Variants in PHF24 observed in about 807,000 individuals in gnomAD.
PHF24 encodes Galpha inhibitory interacting protein.
A neutral mutation model predicts 42.6 loss-of-function variants in PHF24; 25 were observed. That is an observed-to-expected ratio of 0.59 (90% CI 0.43 to 0.82). The LOEUF (loss-of-function observed/expected upper bound fraction) is 0.82, where lower values mean the gene tolerates loss of function less well. PHF24 is among the 40% of genes least tolerant of loss of function. The pLI, the probability that PHF24 is intolerant of heterozygous loss-of-function variation, is 0.00. For missense variants in PHF24, 470 were observed against 538.1 expected (o/e 0.87, Z 1.25); for synonymous variants, 185 against 204.8 (o/e 0.90, Z 0.83).
At chr9:34,694,654 A>G in the PHF24 span, among the ~76,000 whole-genome samples, 1 of 152,180 alleles carries the variant, frequency 6.6e-6, no homozygotes, top group African/African-American at 2.4e-5. Flanking sequence ...CTTTTAATAC[A>G]GATGAGATTT....
the PHF24 span, chr9:34,894,337 C>G: frequency 2.5e-6 from 1 of 397,224 alleles, no homozygotes. Context: ...GTGTATGTCT[C>G]CCTCCCATCC....
the PHF24 span, among the ~76,000 whole-genome samples, chr9:34,828,289 G>T: frequency 6.6e-6 from 1 of 152,070 alleles, no homozygotes; most frequent in South Asian, 2.1e-4. Context: ...TTTAGCCAAA[G>T]CCAGCCCCTT....
the PHF24 span, chr9:34,835,422 G>A: frequency 1.3e-6 from 2 of 1,550,848 alleles, no homozygotes; most frequent in Admixed American, 2.0e-5. Context: ...ACCTCAAGAA[G>A]CCTCAGCACT....
the PHF24 span, chr9:34,895,137 T>C: frequency 2.5e-6 from 1 of 398,550 alleles, no homozygotes; most frequent in East Asian, 3.6e-5. Flanking sequence ...TTTTCCCATA[T>C]CTAAAATGAA....
At chr9:34,702,533 C>T in the PHF24 span, among the ~76,000 whole-genome samples, 29 of 152,326 alleles carry the variant, frequency 1.9e-4, no homozygotes, top group African/African-American at 7.0e-4. Flanking sequence ...TTGCTGCCTA[C>T]TGAGAAATGG....
chr9:34,905,621 T>C, the PHF24 span, among the ~76,000 whole-genome samples: 56 of 152,300 alleles, frequency 3.7e-4, 1 homozygote, highest in East Asian at 0.01. Context: ...GAAAGCTTCA[T>C]GTAGAAGATG....
At chr9:34,826,563 A>C in the PHF24 span, among the ~76,000 whole-genome samples, 4 of 152,210 alleles carry the variant, frequency 2.6e-5, no homozygotes, top group African/African-American at 9.6e-5. Flanking sequence ...CAGGTATAGA[A>C]GTGAAGCAGT....
the PHF24 span, among the ~76,000 whole-genome samples, chr9:34,895,995 A>G: frequency 1.3e-5 from 2 of 152,194 alleles, no homozygotes; most frequent in Non-Finnish European, 2.9e-5. Flanking sequence ...TGCCAAGGTC[A>G]TGGGCAACAT....
chr9:34,704,477 T>TAG, the PHF24 span, among the ~76,000 whole-genome samples: 1 of 121,474 alleles, frequency 8.2e-6, no homozygotes, highest in Non-Finnish European at 1.7e-5. Flanking sequence ...ATGATTTCAT[T>TAG]AGTGTGTGTG....
chr9:34,878,232 A>G, the PHF24 span, among the ~76,000 whole-genome samples: 1 of 152,196 alleles, frequency 6.6e-6, no homozygotes, highest in African/African-American at 2.4e-5. Context: ...TCTAAAGAAT[A>G]AATTTTTTAA....
the PHF24 span, among the ~76,000 whole-genome samples, chr9:34,933,882 T>C: frequency 6.6e-6 from 1 of 151,688 alleles, no homozygotes; most frequent in Non-Finnish European, 1.5e-5. Flanking sequence ...CAAGCTGGGA[T>C]CACAGGTGGG....
At chr9:34,838,268 G>A in the PHF24 span, 1 of 665,784 alleles carries the variant, frequency 1.5e-6, no homozygotes, top group Non-Finnish European at 2.8e-6. Flanking sequence ...GGGAAGTGGG[G>A]TCAATAAGGA....
At chr9:34,666,819 G>T in the PHF24 span, among the ~76,000 whole-genome samples, 1 of 152,120 alleles carries the variant, frequency 6.6e-6, no homozygotes, top group African/African-American at 2.4e-5. Context: ...GGTGGCAGGC[G>T]CCTGTAATCC....
chr9:34,931,153 G>A, the PHF24 span, among the ~76,000 whole-genome samples: 1 of 152,074 alleles, frequency 6.6e-6, no homozygotes, highest in African/African-American at 2.4e-5. Context: ...TGAGGCGGTG[G>A]ATCACGAGGT....
chr9:34,704,157 G>A, the PHF24 span, among the ~76,000 whole-genome samples: 3 of 151,822 alleles, frequency 2.0e-5, no homozygotes, highest in African/African-American at 4.8e-5. Context: ...CCTCCAAGTC[G>A]CTAGGACAAT....
chr9:34,836,945 C>T, the PHF24 span: 1 of 352,792 alleles, frequency 2.8e-6, no homozygotes, highest in Non-Finnish European at 5.8e-6. Context: ...AGTGAACCAG[C>T]CTCCACTGTG....
chr9:34,872,028 T>C, the PHF24 span, among the ~76,000 whole-genome samples: 2 of 152,146 alleles, frequency 1.3e-5, no homozygotes, highest in African/African-American at 2.4e-5. Flanking sequence ...TATCTTTCCA[T>C]TTATTTAGTT....
the PHF24 span, chr9:34,922,739 G>A: frequency 2.5e-6 from 4 of 1,584,430 alleles, no homozygotes; most frequent in African/African-American, 1.3e-5. Context: ...TACTTGAGAC[G>A]ATGCTCCAAG....
the PHF24 span, among the ~76,000 whole-genome samples, chr9:34,865,557 C>T: frequency 8.8e-4 from 134 of 151,478 alleles, 4 homozygotes; most frequent in Middle Eastern, 0.017. Flanking sequence ...AAGCAAGACT[C>T]TGTCTCAAAA....
Sources: gnomAD v4.1 joint callset for allele counts (sites outside exome capture counted in the v4.1 genomes callset) on GRCh38, gnomAD v4.1.1 for gene constraint, MANE v1.5 for transcripts, NCBI Gene and HGNC (gene_info 2026-07-23, HGNC 2026-07-21) for gene names.